DDR2: variants seen among roughly 807,000 people sequenced by gnomAD.
The protein encoded by DDR2 is discoidin domain receptor tyrosine kinase 2, also known as discoidin domain-containing receptor 2.
A neutral mutation model predicts 94.9 loss-of-function variants in DDR2; 27 were observed. The observed-to-expected ratio is 0.28, with a 90% CI of 0.21 to 0.39. DDR2 has a LOEUF of 0.39. Ranked by LOEUF, DDR2 falls within the 10% of genes least tolerant of loss-of-function variation. The pLI is 1.00. For missense variants in DDR2, 783 were observed against 1,076.0 expected (o/e 0.73, Z 3.81); for synonymous variants, 382 against 377.2 (o/e 1.01, Z -0.15).
At chr1:162,715,019 G>A (rs1239418022) in intron 2 of DDR2, among the ~76,000 whole-genome samples, 1 of 152,152 alleles carries the variant, frequency 6.6e-6, no homozygotes, top group Non-Finnish European at 1.5e-5. Flanking sequence ...CTGTTCACAT[G>A]TCACATTGTT....
At chr1:162,658,747 G>A (rs1221468226) in intron 2 of DDR2, among the ~76,000 whole-genome samples, 1 of 150,950 alleles carries the variant, frequency 6.6e-6, no homozygotes, top group Non-Finnish European at 1.5e-5. Context: ...AGAATGGTTT[G>A]AGCCTGGGAG....
rs545536490 is a variant in DDR2, at chr1:162,740,219, T to C, written c.83-12876T>C. Among the ~76,000 whole-genome samples the C allele has an allele frequency of 2.6e-5, 4 of 152,294 alleles. No homozygotes were observed. In the South Asian group the frequency reaches 6.2e-4, roughly 24 times the overall value. ...ACGTGGTACATTACAAAGCAGTATGTATCTAATAGTATAAGAAAGATATTT... is the reference window on the plus strand; with the variant it reads ...ACGTGGTACATTACAAAGCAGTATGCATCTAATAGTATAAGAAAGATATTT... On this transcript the variant is annotated intron_variant, in intron 3 of 17. Coordinates refer to ENST00000367921, the MANE Select transcript of DDR2 (RefSeq NM_006182.4).
rs1326904651 is a variant in DDR2, at chr1:162,780,446, C to A, written c.*200C>A. 43 of 636,490 alleles carry A rather than the reference C, an allele frequency of 6.8e-5. No individual in the cohort carries two copies. Among genetic ancestry groups the A allele is most frequent in the South Asian group, 1.9e-4 (8 of 41,030 alleles). The allele number at this position is 636,490 out of a possible 1,614,324, so 39.4% of individuals were successfully genotyped here. On this transcript the variant is annotated 3_prime_UTR_variant, in exon 18 of 18. Coordinates refer to ENST00000367921, the MANE Select transcript of DDR2 (RefSeq NM_006182.4). The stretch of plus-strand genomic sequence containing the variant: ...TTTTTTTTTTTTTTACATTAAAGAA[C>A]TAAAAAAGGAAAAAAAAAAGCCTAG...
chr1:162,746,068 T>A (rs1443994532), intron 3 of DDR2, among the ~76,000 whole-genome samples: 1 of 152,162 alleles, frequency 6.6e-6, no homozygotes, highest in African/African-American at 2.4e-5. Context: ...ACGCAGAAGA[T>A]GGGTGATTTC....
intron 2 of DDR2, among the ~76,000 whole-genome samples, chr1:162,682,487 T>G (rs941619820): frequency 6.6e-6 from 1 of 152,228 alleles, no homozygotes; most frequent in Non-Finnish European, 1.5e-5. Context: ...GGTGGCCCTA[T>G]TAAAATATGT....
chr1:162,675,111 C>A (rs917231128), intron 2 of DDR2, among the ~76,000 whole-genome samples: 9 of 151,798 alleles, frequency 5.9e-5, no homozygotes, highest in Admixed American at 4.6e-4. Context: ...GAGTCAAGAT[C>A]ATGCTATTGC....
chr1:162,770,437 C>A lies in DDR2; in HGVS notation c.1429C>A (p.Leu477Ile), dbSNP rs2102181328. 4 of 1,614,162 alleles carry A rather than the reference C, an allele frequency of 2.5e-6. No individual in the cohort carries two copies. Among genetic ancestry groups the A allele is most frequent in the Non-Finnish European group, 3.4e-6 (4 of 1,180,042 alleles). ...SNSTYDRIFP[L>I]RPDYQEPSRL... ...CTCGACTTACGATCGCATCTTTCCC[C>A]TTCGCCCTGACTACCAGGAGCCATC... is the stretch of plus-strand genomic sequence containing the variant. The change falls in exon 12 of 18, where the codon CTT (leucine) becomes ATT (isoleucine). Residue 477 changes from leucine (L) to isoleucine (I), a missense_variant. This residue lies in a region of DDR2 where 519 missense variants were observed against 647.9 expected (regional missense o/e 0.80). Transcript: ENST00000367921.
chr1:162,761,124 G>A, intron 8 of DDR2, 87 bp from the exon 9 acceptor site: 2 of 1,587,068 alleles, frequency 1.3e-6, no homozygotes, highest in South Asian at 1.1e-5. Context: ...AATCAGGGTA[G>A]ACGGCAACTA....
chr1:162,755,089 G>T (rs1453744746), intron 5 of DDR2, 67 bp from the exon 6 acceptor site: 1 of 1,605,348 alleles, frequency 6.2e-7, no homozygotes, highest in East Asian at 2.2e-5. Context: ...TCAAAAACGT[G>T]GTGGGGTGAA....
intron 3 of DDR2, among the ~76,000 whole-genome samples, chr1:162,741,252 T>TATAATATAATATAATATAATATA (rs57099786): frequency 3.1e-5 from 3 of 96,646 alleles, no homozygotes; most frequent in African/African-American, 7.9e-5. Flanking sequence ...TATAGTATAA[T>TATAATATAATATAATATAATATA]GTAATGTAAT....
At chr1:162,721,292 A>T (rs1661410594) in intron 3 of DDR2, among the ~76,000 whole-genome samples, 1 of 152,248 alleles carries the variant, frequency 6.6e-6, no homozygotes, top group Admixed American at 6.5e-5. Flanking sequence ...ATTTGGAGAC[A>T]GCAAATAGTC....
chr1:162,755,042 A>T, intron 5 of DDR2, 114 bp from the exon 6 acceptor site: 2 of 1,507,124 alleles, frequency 1.3e-6, no homozygotes, highest in Non-Finnish European at 1.8e-6. Context: ...AGCAGAGTAG[A>T]TGCATTCTGC....
chr1:162,697,039 C>A (rs557604219), intron 2 of DDR2, among the ~76,000 whole-genome samples: 6 of 151,762 alleles, frequency 4.0e-5, no homozygotes, highest in Non-Finnish European at 8.8e-5. Context: ...TCTCATTCTG[C>A]GTAGGGGGTG....
intron 2 of DDR2, among the ~76,000 whole-genome samples, chr1:162,689,608 A>G (rs1659865661): frequency 6.6e-6 from 1 of 151,716 alleles, no homozygotes; most frequent in Non-Finnish European, 1.5e-5. Context: ...GGTTTACTTT[A>G]AATTGATGGG....
At chr1:162,722,201 A>G (rs1661456900) in intron 3 of DDR2, among the ~76,000 whole-genome samples, 1 of 152,222 alleles carries the variant, frequency 6.6e-6, no homozygotes, top group Non-Finnish European at 1.5e-5. Flanking sequence ...AAGGCAGCAG[A>G]GTTTTTGGCT....
chr1:162,755,008 A>G (rs1406298932), intron 5 of DDR2, 148 bp from the exon 6 acceptor site: 1 of 1,414,024 alleles, frequency 7.1e-7, no homozygotes, highest in Non-Finnish European at 9.9e-7. Context: ...GGAGGCAGGG[A>G]AGGAATATCA....
At chr1:162,643,311 G>A (rs561820044) in intron 1 of DDR2, among the ~76,000 whole-genome samples, 1 of 152,202 alleles carries the variant, frequency 6.6e-6, no homozygotes, top group Admixed American at 6.5e-5. Context: ...AATGGATTGA[G>A]TTGCCAACAT....
Position 162,764,561 on chromosome 1 carries a change from T to A in DDR2, c.1100-1440T>A, listed in dbSNP as rs1335124917. 2.0e-5 allele frequency among the ~76,000 whole-genome samples: 3 copies of A among 152,188 alleles called. No individual in the cohort carries two copies. In the East Asian group the frequency reaches 5.8e-4, roughly 29 times the overall value. On this transcript the variant is annotated intron_variant, in intron 9 of 17. Coordinates refer to ENST00000367921, the MANE Select transcript of DDR2 (RefSeq NM_006182.4). ...AATAACATAAAAGAGAGGAAGAGACTAATTTAAAGATAAACCACACTTTGG... is the reference window on the plus strand; with the variant it reads ...AATAACATAAAAGAGAGGAAGAGACAAATTTAAAGATAAACCACACTTTGG...
At chr1:162,743,040 A>T (rs1230197141) in intron 3 of DDR2, among the ~76,000 whole-genome samples, 1 of 152,186 alleles carries the variant, frequency 6.6e-6, no homozygotes, top group Non-Finnish European at 1.5e-5. Flanking sequence ...GTGGGGACAC[A>T]GCCAAACCAT....
Sources: allele counts gnomAD v4.1 joint callset (sites outside exome capture counted in the v4.1 genomes callset), GRCh38; gene constraint gnomAD v4.1.1; regional missense constraint gnomAD v4.1.1; transcripts MANE v1.5; gene names NCBI Gene and HGNC (gene_info 2026-07-23, HGNC 2026-07-21).